MLYCD: variants seen among roughly 807,000 people sequenced by gnomAD.
MLYCD encodes malonyl-CoA decarboxylase, mitochondrial.
Under a neutral mutation model 35.8 loss-of-function variants are expected in MLYCD, and 27 were observed. The ratio of observed to expected loss-of-function variants is 0.75; its 90% CI spans 0.56 to 1.04. The LOEUF (loss-of-function observed/expected upper bound fraction) is 1.04, where lower values mean the gene tolerates loss of function less well. Ranked by LOEUF, MLYCD falls within the 50% of genes least tolerant of loss-of-function variation. The pLI is 0.00. For missense variants in MLYCD, 917 were observed against 665.1 expected, an observed-to-expected ratio of 1.38 and a Z score of -4.17; for synonymous variants, 403 against 302.4, an observed-to-expected ratio of 1.33 and a Z score of -3.45.
At position 83,915,261 on chromosome 16, in the gene MLYCD, C is replaced by G. The variant is rs375614850; in HGVS notation, c.1254C>G (p.Pro418=). The change falls in exon 5 of 5, where the codon CCC becomes CCG. Residue 418 remains proline, a synonymous_variant. Transcript: ENST00000262430. Reference sequence around the variant, plus strand: ...AGCACCGCGGCTACGCGCTGAACCCCGTGGCCAACTTCCACCTGCAGAACG... The same window carrying G: ...AGCACCGCGGCTACGCGCTGAACCCGGTGGCCAACTTCCACCTGCAGAACG... ...GEKHRGYALN[P]VANFHLQNGA... The G allele has an allele frequency of 1.6e-5, 25 of 1,612,294 alleles. No homozygotes were observed. In the African/African-American group the frequency reaches 2.0e-4, roughly 13 times the overall value.
chr16:83,900,879 C>G (rs996715486), intron 1 of MLYCD, among the ~76,000 whole-genome samples: 1 of 152,148 alleles, frequency 6.6e-6, no homozygotes, highest in African/African-American at 2.4e-5. Context: ...GTTACTTGTC[C>G]TGAAATTCAG....
At chr16:83,900,841 A>G (rs1466322159) in intron 1 of MLYCD, among the ~76,000 whole-genome samples, 2 of 152,112 alleles carry the variant, frequency 1.3e-5, no homozygotes, top group Non-Finnish European at 2.9e-5. Flanking sequence ...TATCCCTTTT[A>G]CAGTAAAGGA....
rs1460525342 is a variant in MLYCD, at chr16:83,916,186, C to G, written c.*697C>G. ...GTTTGTTCTGTAAAGCATTGAACAT[C>G]TGATTGTGTAGTGGTGGTCGTCTTT... is the stretch of plus-strand genomic sequence containing the variant. On this transcript the variant is annotated 3_prime_UTR_variant, in exon 5 of 5. Coordinates refer to ENST00000262430, the MANE Select transcript of MLYCD (RefSeq NM_012213.3). 1 of 989,148 alleles carries G rather than the reference C, an allele frequency of 1.0e-6. No homozygotes were observed. Among genetic ancestry groups the G allele is most frequent in the African/African-American group, 1.7e-5 (1 of 57,328 alleles). The allele number at this position is 989,148 out of a possible 1,614,324, so 61.3% of individuals were successfully genotyped here.
chr16:83,902,336 G>C (rs1906825674), intron 1 of MLYCD, among the ~76,000 whole-genome samples: 1 of 150,574 alleles, frequency 6.6e-6, no homozygotes, highest in Admixed American at 6.6e-5. Context: ...TGGGATTATA[G>C]ATAGGTGTGA....
chr16:83,913,398 G>A (rs548390131), intron 4 of MLYCD: 1 of 152,608 alleles, frequency 6.6e-6, no homozygotes, highest in Admixed American at 6.5e-5. Context: ...CGGGATTCGG[G>A]GGAGTTGGGC....
chr16:83,901,782 T>C (rs571561465), intron 1 of MLYCD, among the ~76,000 whole-genome samples: 142 of 152,262 alleles, frequency 9.3e-4, no homozygotes, highest in African/African-American at 3.1e-3. Context: ...GGCTGCTGAG[T>C]CCTTAGACAT....
At position 83,917,242 on chromosome 16, in the gene MLYCD, TGTGC is replaced by T. The variant is rs1264215940; in HGVS notation, c.*1757_*1760del. 1 of 141,266 alleles carries T rather than the reference TGTGC, an allele frequency of 7.1e-6. No homozygotes were observed. The highest frequency in any genetic ancestry group is 3.1e-5 in the African/African-American group (1 of 32,456). The allele number at this position is 141,266 out of a possible 1,614,324, so 8.8% of individuals were successfully genotyped here. ...CTCTGTGTGGATCAGTGCACGTCTG[TGTGC>T]GTGTGCCCGAGCGTCTCTGTGTGGA... is the stretch of plus-strand genomic sequence containing the variant. On this transcript the variant is annotated 3_prime_UTR_variant, in exon 5 of 5. Coordinates refer to ENST00000262430, the MANE Select transcript of MLYCD (RefSeq NM_012213.3).
At chr16:83,912,043 G>A (rs916953574) in intron 3 of MLYCD, 175 bp from the exon 4 acceptor site, 1 of 887,598 alleles carries the variant, frequency 1.1e-6, no homozygotes, top group African/African-American at 1.7e-5. Context: ...CCTCCAGAGA[G>A]TTTTCAAAAC....
intron 1 of MLYCD, among the ~76,000 whole-genome samples, chr16:83,905,842 G>A (rs1906954447): frequency 6.6e-6 from 1 of 152,208 alleles, no homozygotes; most frequent in Admixed American, 6.5e-5. Flanking sequence ...ACAGCCATCG[G>A]GGAACAACAA....
Position 83,923,283 on chromosome 16 carries a change from A to T in MLYCD, c.*7794A>T, listed in dbSNP as rs1260149769. ...TTGAAATTAAACATGAGGTGTACTA[A>T]AGATTTAAATCGAGCAAACACCTCT... is the stretch of plus-strand genomic sequence containing the variant. On this transcript the variant is annotated 3_prime_UTR_variant, in exon 5 of 5. Coordinates refer to ENST00000262430, the MANE Select transcript of MLYCD (RefSeq NM_012213.3). 6.6e-6 allele frequency: 1 copy of T among 152,252 alleles called. No homozygotes were observed. Among genetic ancestry groups the T allele is most frequent in the African/African-American group, 2.4e-5 (1 of 41,470 alleles). 9.4% of individuals were successfully genotyped at this position (152,252 alleles called of 1,614,324 possible). A position where few individuals can be genotyped will look rare whatever the true frequency, so the allele number is the denominator to read the frequency against.
chr16:83,920,924 G>GGATA lies in MLYCD; in HGVS notation c.*5438_*5439insAGAT, dbSNP rs778404131. 1.3e-5 allele frequency: 2 copies of GGATA among 151,426 alleles called. No individual in the cohort carries two copies. 9.4% of individuals were successfully genotyped at this position (151,426 alleles called of 1,614,324 possible). On this transcript the variant is annotated 3_prime_UTR_variant, in exon 5 of 5. Coordinates refer to ENST00000262430, the MANE Select transcript of MLYCD (RefSeq NM_012213.3). ...AAGATGGATGGATGGATGGATGGAT[G>GGATA]GATGGATGGATGGATGGATGACAGA...
In MLYCD at chr16:83,917,951, C is replaced by G. The variant is rs1364222488; in HGVS notation, c.*2462C>G. ...ATAGGAATTCCCGCTGCACAGGCCG[C>G]TGGGAGGACGGGCTCAGGTGACATC... On this transcript the variant is annotated 3_prime_UTR_variant, in exon 5 of 5. Transcript: ENST00000262430. 1.4e-4 allele frequency: 21 copies of G among 152,222 alleles called. No individual in the cohort carries two copies. 9.4% of individuals were successfully genotyped at this position (152,222 alleles called of 1,614,324 possible). A position where few individuals can be genotyped will look rare whatever the true frequency, so the allele number is the denominator to read the frequency against.
chr16:83,909,678 A>G (rs115530941), intron 3 of MLYCD, among the ~76,000 whole-genome samples: 10,927 of 149,720 alleles, frequency 0.073, 485 homozygotes, highest in East Asian at 0.11. Flanking sequence ...CTAGAGTGCA[A>G]TGGTGCTGTC....
intron 4 of MLYCD, 131 bp downstream of exon 4, chr16:83,912,498 A>C: frequency 1.5e-6 from 2 of 1,306,290 alleles, no homozygotes; most frequent in South Asian, 2.5e-5. Flanking sequence ...AGGGGGTAGA[A>C]AAGGTGCCAG....
In MLYCD at chr16:83,920,602, C is replaced by T. The variant is rs1009879071; in HGVS notation, c.*5113C>T. 2 of 152,254 alleles carry T rather than the reference C, an allele frequency of 1.3e-5. No homozygotes were observed. Among genetic ancestry groups the T allele is most frequent in the African/African-American group, 4.8e-5 (2 of 41,458 alleles). 9.4% of individuals were successfully genotyped at this position (152,254 alleles called of 1,614,324 possible). A position where few individuals can be genotyped will look rare whatever the true frequency, so the allele number is the denominator to read the frequency against. On this transcript the variant is annotated 3_prime_UTR_variant, in exon 5 of 5. Transcript: ENST00000262430. ...CAGGGCCTCCCAGGCTCCAAGATCA[C>T]TGCCTTCAGGGAGCCCAGGAAGAGC... is the stretch of plus-strand genomic sequence containing the variant.
Position 83,926,764 on chromosome 16 carries a change from C to G in MLYCD, c.*11275C>G, listed in dbSNP as rs954481006. The G allele has an allele frequency of 1.3e-5, 2 of 152,216 alleles. No homozygotes were observed. The highest frequency in any genetic ancestry group is 2.9e-5 in the Non-Finnish European group (2 of 68,054). The allele number at this position is 152,216 out of a possible 1,614,324, so 9.4% of individuals were successfully genotyped here. On this transcript the variant is annotated 3_prime_UTR_variant, in exon 5 of 5. Coordinates refer to ENST00000262430, the MANE Select transcript of MLYCD (RefSeq NM_012213.3). Reference sequence around the variant, plus strand: ...GACAGCGCAGGGACGCACTTTGATGCTGAAAATGAGTCTCTGGGACAGATG... The same window carrying G: ...GACAGCGCAGGGACGCACTTTGATGGTGAAAATGAGTCTCTGGGACAGATG...
intron 1 of MLYCD, among the ~76,000 whole-genome samples, chr16:83,902,448 T>A (rs1387747953): frequency 6.6e-6 from 1 of 151,566 alleles, no homozygotes; most frequent in Non-Finnish European, 1.5e-5. Context: ...TCTGATATTG[T>A]AACCTCTCAC....
intron 3 of MLYCD, 91 bp downstream of exon 3, chr16:83,908,373 T>A: frequency 1.5e-6 from 2 of 1,376,100 alleles, no homozygotes; most frequent in Middle Eastern, 2.5e-4. Context: ...GATTTTATCC[T>A]CCTTTTTTTT....
intron 3 of MLYCD, 121 bp from the exon 4 acceptor site, chr16:83,912,097 C>A: frequency 7.1e-7 from 1 of 1,407,592 alleles, no homozygotes; most frequent in South Asian, 1.2e-5. Flanking sequence ...AGCTGGGGAG[C>A]CGAGGTCTCT....
Sources: allele counts gnomAD v4.1 joint callset (sites outside exome capture counted in the v4.1 genomes callset), GRCh38; gene constraint gnomAD v4.1.1; transcripts MANE v1.5; gene names NCBI Gene and HGNC (gene_info 2026-07-23, HGNC 2026-07-21).